COL25A1: variants seen among roughly 807,000 people sequenced by gnomAD.
COL25A1 encodes collagen alpha-1(XXV) chain.
COL25A1 carries 103 observed loss-of-function variants against 128.4 expected under a neutral mutation model. The observed-to-expected ratio is 0.80, with a 90% confidence interval of 0.68 to 0.94. The LOEUF (loss-of-function observed/expected upper bound fraction) is 0.94, where lower values mean the gene tolerates loss of function less well. COL25A1 is among the 40% of genes least tolerant of loss of function. The probability of loss-of-function intolerance (pLI) is 0.00; values close to 1 mark genes in which losing one functional copy is unlikely to be tolerated. For missense variants in COL25A1, 745 were observed against 840.0 expected (o/e 0.89, Z 1.40); for synonymous variants, 279 against 277.2 (o/e 1.01, Z -0.06).
In COL25A1 at chr4:108,987,610, G is replaced by A. The variant is rs150795013; in HGVS notation, c.439-13051C>T. On this transcript the variant is annotated intron_variant, in intron 6 of 37. Transcript: ENST00000399132. Reference sequence around the variant, plus strand: ...AGGCTGATCTTGAACTCCTGACCTCGTGATCCACCCGCCTCTGCGTCCCAA... The same window carrying A: ...AGGCTGATCTTGAACTCCTGACCTCATGATCCACCCGCCTCTGCGTCCCAA... Among the ~76,000 whole-genome samples, 377 of 152,064 alleles carry A rather than the reference G, an allele frequency of 2.5e-3. 1 individual carries two copies. The highest frequency in any genetic ancestry group is 8.6e-3 in the African/African-American group (358 of 41,494).
chr4:109,037,080 A>G (rs1226179482), intron 5 of COL25A1, among the ~76,000 whole-genome samples: 4 of 152,184 alleles, frequency 2.6e-5, no homozygotes, highest in Admixed American at 2.6e-4. Context: ...CAAAGCTCTT[A>G]GAATGCTTCC....
At chr4:109,247,634 AATAG>A (rs1208622271) in intron 3 of COL25A1, among the ~76,000 whole-genome samples, 3 of 152,336 alleles carry the variant, frequency 2.0e-5, no homozygotes, top group Non-Finnish European at 4.4e-5. Context: ...AAAAACAGTA[AATAG>A]ATAGATAGAG....
At chr4:109,223,202 G>T (rs1344996246) in intron 3 of COL25A1, among the ~76,000 whole-genome samples, 1 of 152,112 alleles carries the variant, frequency 6.6e-6, no homozygotes, top group Non-Finnish European at 1.5e-5. Flanking sequence ...TTCTGTTACT[G>T]TAGATATTTT....
intron 5 of COL25A1, chr4:109,021,706 G>A (rs1401382914): frequency 2.2e-6 from 1 of 452,986 alleles, no homozygotes; most frequent in African/African-American, 2.0e-5. Context: ...AAGTAGAAGA[G>A]ATATCACCAA....
At chr4:108,843,526 T>C (rs2125754918) in intron 30 of COL25A1, among the ~76,000 whole-genome samples, 1 of 152,306 alleles carries the variant, frequency 6.6e-6, no homozygotes, top group Middle Eastern at 3.4e-3. Context: ...ATTTAGAGAA[T>C]TATACTTGCT....
At chr4:108,959,425 T>C (rs1750423259) in intron 8 of COL25A1, among the ~76,000 whole-genome samples, 1 of 152,106 alleles carries the variant, frequency 6.6e-6, no homozygotes, top group African/African-American at 2.4e-5. Flanking sequence ...ATTTAAAATA[T>C]AGAAGGAAGA....
At chr4:108,931,843 G>T (rs946975816) in intron 11 of COL25A1, among the ~76,000 whole-genome samples, 1 of 152,186 alleles carries the variant, frequency 6.6e-6, no homozygotes, top group Non-Finnish European at 1.5e-5. Flanking sequence ...TACCAAGGAG[G>T]TGGGAAGAGC....
chr4:109,288,998 CA>C (rs1560986386), intron 3 of COL25A1, among the ~76,000 whole-genome samples: 29 of 146,928 alleles, frequency 2.0e-4, no homozygotes, highest in Admixed American at 5.4e-4. Context: ...CACACACACA[CA>C]CACACATATA....
At chr4:109,163,290 TA>T (rs1772755462) in intron 3 of COL25A1, among the ~76,000 whole-genome samples, 1 of 152,196 alleles carries the variant, frequency 6.6e-6, no homozygotes, top group Admixed American at 6.5e-5. Flanking sequence ...CAGCAAGGTT[TA>T]GAGATGTGTA....
chr4:108,906,032 G>A (rs1338580010), intron 13 of COL25A1, among the ~76,000 whole-genome samples: 2 of 152,032 alleles, frequency 1.3e-5, no homozygotes, highest in African/African-American at 4.8e-5. Context: ...ACCAACTAAC[G>A]GAGTTCTTTG....
chr4:108,825,579 T>C (rs1043417208), intron 33 of COL25A1, among the ~76,000 whole-genome samples: 5 of 152,152 alleles, frequency 3.3e-5, no homozygotes, highest in Non-Finnish European at 7.4e-5. Flanking sequence ...TTAAATAGAC[T>C]AATATTCTAC....
chr4:109,160,683 C>A (rs180938722), intron 3 of COL25A1, among the ~76,000 whole-genome samples: 1 of 152,086 alleles, frequency 6.6e-6, no homozygotes, highest in African/African-American at 2.4e-5. Context: ...AGTCAGTGAG[C>A]CTGAGGTCAG....
At chr4:108,981,879 T>C (rs1753006785) in intron 6 of COL25A1, among the ~76,000 whole-genome samples, 1 of 152,190 alleles carries the variant, frequency 6.6e-6, no homozygotes, top group Non-Finnish European at 1.5e-5. Context: ...AAAATTTATT[T>C]TTCAGATACT....
intron 3 of COL25A1, among the ~76,000 whole-genome samples, chr4:109,066,987 C>G (rs1389858257): frequency 6.6e-6 from 1 of 152,150 alleles, no homozygotes; most frequent in Non-Finnish European, 1.5e-5. Context: ...TCAAATTTCA[C>G]CATGTCACTT....
At chr4:109,234,753 G>T (rs1051555429) in intron 3 of COL25A1, among the ~76,000 whole-genome samples, 1 of 151,992 alleles carries the variant, frequency 6.6e-6, no homozygotes, top group African/African-American at 2.4e-5. Flanking sequence ...ACAATCTGAT[G>T]AATTTTTATT....
intron 22 of COL25A1, among the ~76,000 whole-genome samples, chr4:108,862,008 G>A (rs556765313): frequency 6.6e-6 from 1 of 152,154 alleles, no homozygotes; most frequent in African/African-American, 2.4e-5. Context: ...GTAGCTAACA[G>A]CATTTTAAAT....
intron 3 of COL25A1, among the ~76,000 whole-genome samples, chr4:109,223,932 AC>A (rs1431043681): frequency 6.6e-6 from 1 of 152,190 alleles, no homozygotes; most frequent in African/African-American, 2.4e-5. Context: ...TAAGAAGTAT[AC>A]CTATATCTAC....
At chr4:109,018,341 C>T (rs1757400217) in intron 5 of COL25A1, among the ~76,000 whole-genome samples, 1 of 152,208 alleles carries the variant, frequency 6.6e-6, no homozygotes, top group African/African-American at 2.4e-5. Flanking sequence ...TCTCCTGCCT[C>T]AGTCTCCCAA....
rs1355109176 is a variant in COL25A1 at position 108,863,403 on chromosome 4, A to G, written c.1084-16T>C. ...CCCGTTCACCCTGTCACAAATTGCA[A>G]AACAGGTAAATGGTCATTCCCCCCA... On this transcript the variant is annotated splice_polypyrimidine_tract_variant and intron_variant, in intron 20 of 37. Coordinates refer to ENST00000399132, the MANE Select transcript of COL25A1 (RefSeq NM_198721.4). The G allele has an allele frequency of 5.6e-6, 9 of 1,612,166 alleles. 1 individual carries two copies. The Admixed American group carries it at 1.5e-4, about 27-fold the overall frequency.
Sources: gnomAD v4.1 joint callset for allele counts (sites outside exome capture counted in the v4.1 genomes callset) on GRCh38, gnomAD v4.1.1 for gene constraint, MANE v1.5 for transcripts, NCBI Gene and HGNC (gene_info 2026-07-23, HGNC 2026-07-21) for gene names.